Variants in NDST1 observed in about 807,000 individuals in gnomAD.
NDST1 encodes the protein N-deacetylase and N-sulfotransferase 1.
NDST1 carries 35 observed loss-of-function variants against 92.8 expected under a neutral mutation model. That is an observed-to-expected ratio of 0.38 (90% CI 0.29 to 0.50). The LOEUF is 0.50. Among genes scored for constraint, NDST1 ranks in the 20% least tolerant of loss-of-function variants. The pLI, the probability that NDST1 is intolerant of heterozygous loss-of-function variation, is 0.94. For synonymous variants in NDST1, 493 were observed against 500.3 expected, an observed-to-expected ratio of 0.99 and a Z score of 0.19; for missense variants, 822 against 1,182.7, an observed-to-expected ratio of 0.69 and a Z score of 4.47.
intron 12 of NDST1, among the ~76,000 whole-genome samples, chr5:150,549,158 T>G (rs891048450): frequency 1.3e-5 from 2 of 152,152 alleles, no homozygotes; most frequent in Non-Finnish European, 2.9e-5. Context: ...ATTACAGGCA[T>G]GCACCACCAC....
At chr5:150,547,944 A>G (rs754671069) in intron 11 of NDST1, among the ~76,000 whole-genome samples, 1 of 152,156 alleles carries the variant, frequency 6.6e-6, no homozygotes. Flanking sequence ...CCAGCCTCCC[A>G]AAATTCTGGG....
chr5:150,528,905 A>C (rs1388996581), intron 3 of NDST1, among the ~76,000 whole-genome samples: 1 of 152,254 alleles, frequency 6.6e-6, no homozygotes, highest in Non-Finnish European at 1.5e-5. Flanking sequence ...GAAGACATCC[A>C]GACAAAGATG....
chr5:150,534,655 G>A (rs1274369881), intron 4 of NDST1, among the ~76,000 whole-genome samples: 1 of 152,198 alleles, frequency 6.6e-6, no homozygotes, highest in Non-Finnish European at 1.5e-5. Flanking sequence ...GATAGTCTTG[G>A]CCAAGGTCCC....
intron 1 of NDST1, among the ~76,000 whole-genome samples, chr5:150,516,598 G>C (rs889430064): frequency 2.6e-5 from 4 of 152,172 alleles, no homozygotes; most frequent in Non-Finnish European, 5.9e-5. Context: ...TAACCAGTAG[G>C]GTCCATCAAT....
intron 3 of NDST1, 67 bp downstream of exon 3, chr5:150,528,365 C>G: frequency 6.6e-7 from 1 of 1,523,692 alleles, no homozygotes; most frequent in Non-Finnish European, 8.9e-7. Context: ...TTCAGGTGCC[C>G]CATCGTGGGT....
At chr5:150,525,004 A>T (rs929038091) in intron 2 of NDST1, among the ~76,000 whole-genome samples, 1 of 152,164 alleles carries the variant, frequency 6.6e-6, no homozygotes, top group African/African-American at 2.4e-5. Context: ...CAGAGAGGAG[A>T]TGTAGGATTC....
intron 7 of NDST1, 53 bp from the exon 8 acceptor site, chr5:150,540,029 G>T: frequency 1.2e-6 from 2 of 1,604,838 alleles, no homozygotes; most frequent in Non-Finnish European, 1.7e-6. Context: ...TGGCGGTGAG[G>T]GTGGCTCAGA....
chr5:150,524,800 A>G (rs1336535508), intron 2 of NDST1, among the ~76,000 whole-genome samples: 3 of 152,264 alleles, frequency 2.0e-5, no homozygotes, highest in African/African-American at 7.2e-5. Context: ...AGAATGCTGC[A>G]ATAAGCATTT....
chr5:150,537,727 C>T (rs983940598), intron 6 of NDST1, among the ~76,000 whole-genome samples: 1 of 152,230 alleles, frequency 6.6e-6, no homozygotes, highest in Non-Finnish European at 1.5e-5. Flanking sequence ...GTGACCCACA[C>T]CCTATTCGTA....
In NDST1 at chr5:150,548,269, G is replaced by T. The variant is rs771259891; in HGVS notation, c.2197G>T (p.Val733Leu). 2 of 1,614,178 alleles carry T rather than the reference G, an allele frequency of 1.2e-6. No individual in the cohort carries two copies. The highest frequency in any genetic ancestry group is 1.7e-6 in the Non-Finnish European group (2 of 1,180,042). The change falls in exon 12 of 15, where the codon GTG becomes TTG. Residue 733 changes from valine (V) to leucine (L), a missense_variant. Val to Leu is a conservative substitution (Grantham distance 32, BLOSUM62 1). Coordinates refer to ENST00000261797, the MANE Select transcript of NDST1 (RefSeq NM_001543.5). ...PVALKYTFHE[V>L]ITAGSDASSK... ...GGCCCTAAAGTACACCTTCCATGAG[G>T]TGATTACCGCCGGCTCTGACGCATC...
At chr5:150,542,143 A>G (rs1188086717) in intron 9 of NDST1, among the ~76,000 whole-genome samples, 1 of 152,202 alleles carries the variant, frequency 6.6e-6, no homozygotes, top group Admixed American at 6.5e-5. Flanking sequence ...AGAGAAGTCA[A>G]GTGACTTCCC....
At chr5:150,509,063 C>G (rs1753595481) in intron 1 of NDST1, among the ~76,000 whole-genome samples, 2 of 152,114 alleles carry the variant, frequency 1.3e-5, no homozygotes, top group South Asian at 4.1e-4. Flanking sequence ...CTCTCATCCC[C>G]TGATGAGAGG....
rs183372320 is a variant in NDST1, at chr5:150,514,336, G to A, written c.-388+6110G>A. On this transcript the variant is annotated intron_variant, in intron 1 of 14. Coordinates refer to ENST00000261797, the MANE Select transcript of NDST1 (RefSeq NM_001543.5). ...TGTAATCCTAGCACTTTGGGAAGCC[G>A]AAGTGGGTGGATCATCGGAGGTCAG... is the stretch of plus-strand genomic sequence containing the variant. Among the ~76,000 whole-genome samples the A allele has an allele frequency of 1.3e-3, 204 of 152,314 alleles. 2 individuals are homozygous for A. The highest frequency in any genetic ancestry group is 0.011 in the East Asian group (56 of 5,182).
Position 150,554,030 on chromosome 5 carries a change from T to C in NDST1, c.*698T>C. On this transcript the variant is annotated 3_prime_UTR_variant, in exon 15 of 15. Coordinates refer to ENST00000261797, the MANE Select transcript of NDST1 (RefSeq NM_001543.5). ...GTTCTCCGGGCCCCACCTGCACCCC[T>C]TTCTTCCCCCTGGGATATGATGTGT... 2.5e-6 allele frequency: 1 copy of C among 407,336 alleles called. No individual in the cohort carries two copies. The highest frequency in any genetic ancestry group is 4.3e-6 in the Non-Finnish European group (1 of 230,350). The allele number at this position is 407,336 out of a possible 1,614,324, so 25.2% of individuals were successfully genotyped here.
upstream of NDST1, among the ~76,000 whole-genome samples, chr5:150,505,848 T>C (rs1274310578): frequency 6.6e-6 from 1 of 152,172 alleles, no homozygotes; most frequent in Non-Finnish European, 1.5e-5. Flanking sequence ...AGTGCAGTTG[T>C]AGCTCACTGC....
intron 3 of NDST1, among the ~76,000 whole-genome samples, chr5:150,529,845 G>A (rs1754642060): frequency 6.6e-6 from 1 of 152,210 alleles, no homozygotes; most frequent in Non-Finnish European, 1.5e-5. Flanking sequence ...GGTTGGCCCT[G>A]GGGCCTGGAA....
intron 14 of NDST1, among the ~76,000 whole-genome samples, chr5:150,552,084 G>A (rs779427017): frequency 2.6e-5 from 4 of 152,170 alleles, no homozygotes; most frequent in Non-Finnish European, 4.4e-5. Flanking sequence ...AGTGCTGTGG[G>A]GTTTTGAGGA....
At chr5:150,527,741 T>A in intron 2 of NDST1, 63 bp from the exon 3 acceptor site, 1 of 1,604,154 alleles carries the variant, frequency 6.2e-7, no homozygotes, top group South Asian at 1.1e-5. Context: ...TGTGAGAGAC[T>A]GTGTCCTTTG....
chr5:150,543,866 G>A (rs566629692), intron 10 of NDST1, among the ~76,000 whole-genome samples: 1 of 151,442 alleles, frequency 6.6e-6, no homozygotes, highest in African/African-American at 2.4e-5. Flanking sequence ...TGCAACCTCT[G>A]CTTCCCGGGT....
Sources: allele counts gnomAD v4.1 joint callset (sites outside exome capture counted in the v4.1 genomes callset), GRCh38; gene constraint gnomAD v4.1.1; transcripts MANE v1.5; gene names NCBI Gene and HGNC (gene_info 2026-07-23, HGNC 2026-07-21).